The following NDUFAF2 variants were observed in gnomAD, a reference collection of about 807,000 sequenced individuals.
NDUFAF2 encodes the protein NADH:ubiquinone oxidoreductase complex assembly factor 2.
In NDUFAF2, 13 loss-of-function variants were observed where a neutral mutation model predicts 22.8. That is an observed-to-expected ratio of 0.57 (90% CI 0.37 to 0.91). NDUFAF2 has a LOEUF of 0.91. Among genes scored for constraint, NDUFAF2 ranks in the 40% least tolerant of loss-of-function variants. The pLI is 0.01. For synonymous variants in NDUFAF2, 53 were observed against 64.2 expected (o/e 0.83, Z 0.84); for missense variants, 162 against 195.2 (o/e 0.83, Z 1.01).
chr5:60,971,368 G>C lies in NDUFAF2; in HGVS notation c.127+25986G>C, dbSNP rs184928946. On this transcript the variant is annotated intron_variant, in intron 1 of 3. Coordinates refer to ENST00000296597, the MANE Select transcript of NDUFAF2 (RefSeq NM_174889.5). ...AGTGGCTGATCTCAGCTCACTGCAA[G>C]CTCCGCCTCCCGGGTTCACGCCATT... is the stretch of plus-strand genomic sequence containing the variant. 7.2e-3 allele frequency among the ~76,000 whole-genome samples: 1,082 copies of C among 150,818 alleles called. 8 individuals are homozygous for C. The highest frequency in any genetic ancestry group is 0.026 in the South Asian group (126 of 4,762).
chr5:60,973,324 T>C (rs1431590845), intron 1 of NDUFAF2, among the ~76,000 whole-genome samples: 2 of 152,178 alleles, frequency 1.3e-5, no homozygotes, highest in Non-Finnish European at 2.9e-5. Flanking sequence ...TGTCTCATAC[T>C]TTTTTTCTTG....
At chr5:60,997,824 C>T (rs56386934) in intron 1 of NDUFAF2, among the ~76,000 whole-genome samples, 3 of 152,024 alleles carry the variant, frequency 2.0e-5, no homozygotes, top group African/African-American at 4.8e-5. Context: ...TATGAGAGAA[C>T]AAAAATTCTA....
chr5:60,948,997 T>C (rs566004893), intron 1 of NDUFAF2, among the ~76,000 whole-genome samples: 87 of 152,320 alleles, frequency 5.7e-4, no homozygotes, highest in African/African-American at 2.0e-3. Context: ...AGGTGTGTTG[T>C]GGTATCTCAT....
At chr5:60,952,022 C>T (rs115007869) in intron 1 of NDUFAF2, among the ~76,000 whole-genome samples, 17 of 150,292 alleles carry the variant, frequency 1.1e-4, no homozygotes, top group Admixed American at 1.1e-3. Flanking sequence ...GTTGTAATAC[C>T]TCTTCATTAT....
chr5:60,991,129 A>G (rs563523614), intron 1 of NDUFAF2, among the ~76,000 whole-genome samples: 1 of 152,296 alleles, frequency 6.6e-6, no homozygotes, highest in Non-Finnish European at 1.5e-5. Context: ...ATGCATTTAT[A>G]AAGTTTCACC....
At chr5:61,101,395 G>T (rs1752704030) in intron 3 of NDUFAF2, among the ~76,000 whole-genome samples, 1 of 151,970 alleles carries the variant, frequency 6.6e-6, no homozygotes, top group African/African-American at 2.4e-5. Flanking sequence ...GTTTAGACTT[G>T]TCCATTTCGT....
At chr5:60,960,868 C>T (rs1750674582) in intron 1 of NDUFAF2, among the ~76,000 whole-genome samples, 2 of 152,084 alleles carry the variant, frequency 1.3e-5, no homozygotes, top group Non-Finnish European at 2.9e-5. Context: ...ATTGTGTTTA[C>T]ACTTTTTTTC....
chr5:61,085,116 A>C (rs932926735), intron 2 of NDUFAF2, among the ~76,000 whole-genome samples: 2 of 152,214 alleles, frequency 1.3e-5, no homozygotes, highest in African/African-American at 4.8e-5. Flanking sequence ...ACTACAAACC[A>C]GTATCCTACA....
At position 61,147,437 on chromosome 5, in the gene NDUFAF2, C is replaced by CTTTTTTTTTTTTTTTTTTTT. The variant is rs1240336890; in HGVS notation, c.259-5250_259-5249insTTTTTTTTTTTTTTTTTTTT. Among the ~76,000 whole-genome samples the CTTTTTTTTTTTTTTTTTTTT allele has an allele frequency of 2.8e-3, 234 of 84,690 alleles. 27 individuals carry two copies. Among genetic ancestry groups the CTTTTTTTTTTTTTTTTTTTT allele is most frequent in the East Asian group, 5.0e-3 (9 of 1,800 alleles). 55.6% of individuals were successfully genotyped at this position (84,690 alleles called of 152,430 possible). On this transcript the variant is annotated intron_variant, in intron 3 of 3. Coordinates refer to ENST00000296597, the MANE Select transcript of NDUFAF2 (RefSeq NM_174889.5). ...CTAATTTTTGTATTTTTTTTTCTTTCTTTTTTTTTTTTTTTTTGTAGCAAC... is the reference window on the plus strand; with the variant it reads ...CTAATTTTTGTATTTTTTTTTCTTTCTTTTTTTTTTTTTTTTTTTTTTTTTTTTTTTTTTTTTGTAGCAAC...
intron 1 of NDUFAF2, among the ~76,000 whole-genome samples, chr5:61,069,595 A>G (rs1446095407): frequency 2.0e-5 from 3 of 152,178 alleles, no homozygotes; most frequent in Non-Finnish European, 2.9e-5. Flanking sequence ...AAGTATGGCA[A>G]AAATTGCAAA....
intron 3 of NDUFAF2, among the ~76,000 whole-genome samples, chr5:61,131,891 G>A (rs989194873): frequency 1.3e-5 from 2 of 150,426 alleles, no homozygotes; most frequent in Non-Finnish European, 3.0e-5. Flanking sequence ...GATTTCTGTT[G>A]TTTACATTTC....
intron 1 of NDUFAF2, among the ~76,000 whole-genome samples, chr5:60,973,749 C>T (rs753186493): frequency 7.9e-5 from 12 of 152,034 alleles, no homozygotes; most frequent in Non-Finnish European, 1.0e-4. Flanking sequence ...TTATTAAGTC[C>T]TCTGGTTTTT....
At chr5:60,950,509 G>A (rs886428687) in intron 1 of NDUFAF2, among the ~76,000 whole-genome samples, 1 of 152,036 alleles carries the variant, frequency 6.6e-6, no homozygotes, top group African/African-American at 2.4e-5. Flanking sequence ...GTTAAGTGTG[G>A]TGTTAGCTAT....
intron 1 of NDUFAF2, among the ~76,000 whole-genome samples, chr5:60,947,251 AT>A (rs1750473682): frequency 6.6e-6 from 1 of 152,212 alleles, no homozygotes; most frequent in Non-Finnish European, 1.5e-5. Context: ...ATGCATTAAA[AT>A]TCTAGTTGTT....
At chr5:61,016,806 A>G (rs1751517091) in intron 1 of NDUFAF2, among the ~76,000 whole-genome samples, 2 of 152,142 alleles carry the variant, frequency 1.3e-5, no homozygotes, top group Non-Finnish European at 2.9e-5. Context: ...ATAATAATTG[A>G]GTCTCAGTTT....
intron 1 of NDUFAF2, among the ~76,000 whole-genome samples, chr5:61,032,795 A>G (rs1049948125): frequency 6.6e-6 from 1 of 152,160 alleles, no homozygotes; most frequent in African/African-American, 2.4e-5. Context: ...GATAGCATTG[A>G]ATCTGTATAA....
rs1449900102 is a variant in NDUFAF2 at position 61,047,683 on chromosome 5, A to C, written c.128-25442A>C. 2.0e-5 allele frequency among the ~76,000 whole-genome samples: 3 copies of C among 152,182 alleles called. No homozygotes were observed. The South Asian group carries it at 6.2e-4, about 32-fold the overall frequency. ...GAGACTCTTGTCTTTATCTGGTAGG[A>C]TTATAACCTGCCACAGAGCCCAAAA... On this transcript the variant is annotated intron_variant, in intron 1 of 3. Coordinates refer to ENST00000296597, the MANE Select transcript of NDUFAF2 (RefSeq NM_174889.5).
At chr5:60,971,806 G>T (rs1427212697) in intron 1 of NDUFAF2, among the ~76,000 whole-genome samples, 2 of 152,028 alleles carry the variant, frequency 1.3e-5, no homozygotes, top group African/African-American at 4.8e-5. Flanking sequence ...CCTTTTTTAT[G>T]GCTGCATAGT....
intron 1 of NDUFAF2, among the ~76,000 whole-genome samples, chr5:61,009,107 A>T (rs1023431307): frequency 6.6e-6 from 1 of 151,916 alleles, no homozygotes; most frequent in African/African-American, 2.4e-5. Flanking sequence ...ACATTTTTTT[A>T]AAAAATTGAA....
Sources: gnomAD v4.1 joint callset for allele counts (sites outside exome capture counted in the v4.1 genomes callset) on GRCh38, gnomAD v4.1.1 for gene constraint, MANE v1.5 for transcripts, NCBI Gene and HGNC (gene_info 2026-07-23, HGNC 2026-07-21) for gene names.